IQCE: variants seen among roughly 807,000 people sequenced by gnomAD.
IQCE encodes IQ motif containing E.
IQCE carries 115 observed loss-of-function variants against 96.0 expected under a neutral mutation model. That is an observed-to-expected ratio of 1.20 (90% CI 1.03 to 1.40). The LOEUF is 1.40. Ranked by LOEUF, IQCE falls within the 40% of genes most tolerant of loss-of-function variation. The pLI, the probability that IQCE is intolerant of heterozygous loss-of-function variation, is 0.00. For synonymous variants in IQCE, 412 were observed against 371.2 expected, an observed-to-expected ratio of 1.11 and a Z score of -1.26; for missense variants, 1,041 against 909.1, an observed-to-expected ratio of 1.15 and a Z score of -1.87.
chr7:2,579,778 CTG>C (rs1450462249), intron 8 of IQCE, among the ~76,000 whole-genome samples: 1 of 151,060 alleles, frequency 6.6e-6, no homozygotes, highest in Non-Finnish European at 1.5e-5. Context: ...GGGACTCACT[CTG>C]TTGCCCAGGC....
In IQCE at chr7:2,589,888, A is replaced by G. The variant is rs1309691466; in HGVS notation, c.1045-19A>G. The G allele has an allele frequency of 1.2e-6, 2 of 1,610,966 alleles. No homozygotes were observed. The highest frequency in any genetic ancestry group is 3.3e-5 in the Admixed American group (2 of 60,008). On this transcript the variant is annotated intron_variant, in intron 13 of 21. Transcript: ENST00000402050. Reference sequence around the variant, plus strand: ...AGAAATGAGAACTAGTATCTAACACATGTCTGTGTTGCCTCCAGAAACTAA... The same window carrying G: ...AGAAATGAGAACTAGTATCTAACACGTGTCTGTGTTGCCTCCAGAAACTAA...
At position 2,606,564 on chromosome 7, in the gene IQCE, A is replaced by T. The variant is rs371389255; in HGVS notation, c.1866-560A>T. The stretch of plus-strand genomic sequence containing the variant: ...GTCACCCCCGTCTGCTTCACCCCGC[A>T]TGGGGTTTGTTCCCCTCTTATCACA... On this transcript the variant is annotated intron_variant, in intron 20 of 21. Coordinates refer to ENST00000402050, the MANE Select transcript of IQCE (RefSeq NM_152558.5). 4.1e-4 allele frequency among the ~76,000 whole-genome samples: 63 copies of T among 152,232 alleles called. 1 individual carries two copies. Among genetic ancestry groups the T allele is most frequent in the African/African-American group, 1.3e-3 (56 of 41,550 alleles).
chr7:2,596,395 A>C (rs1784042304), intron 16 of IQCE, among the ~76,000 whole-genome samples: 1 of 142,414 alleles, frequency 7.0e-6, no homozygotes, highest in African/African-American at 2.7e-5. Context: ...GTGGGGTTAT[A>C]AGCATTTTTT....
chr7:2,575,492 G>A (rs139509590), intron 6 of IQCE, among the ~76,000 whole-genome samples: 32 of 152,376 alleles, frequency 2.1e-4, no homozygotes, highest in Non-Finnish European at 4.0e-4. Context: ...GTTGCCGCCA[G>A]GTAATGATGG....
chr7:2,567,240 A>G, intron 2 of IQCE, 77 bp downstream of exon 2: 1 of 1,108,204 alleles, frequency 9.0e-7, no homozygotes, highest in Non-Finnish European at 1.4e-6. Context: ...GGAAGCGTAA[A>G]ATAGGCCGTT....
chr7:2,562,860 T>G (rs1781070256), intron 1 of IQCE, among the ~76,000 whole-genome samples: 4 of 152,038 alleles, frequency 2.6e-5, no homozygotes, highest in Admixed American at 1.3e-4. Flanking sequence ...TCTTTCTTTT[T>G]TTTTTTTAAT....
At chr7:2,605,663 A>G (rs543579616) in intron 19 of IQCE, among the ~76,000 whole-genome samples, 274 of 151,498 alleles carry the variant, frequency 1.8e-3, no homozygotes, top group South Asian at 5.6e-3. Context: ...TAAATAAATA[A>G]ATAGATAAAT....
chr7:2,583,624 C>T lies in IQCE; in HGVS notation c.702-13C>T. On this transcript the variant is annotated splice_polypyrimidine_tract_variant and intron_variant, in intron 9 of 21. Transcript: ENST00000402050. ...CTGGCACATCCCTATTAACGCTGAACTTGGGTTTTCAGCAAACTCCAGACC... is the reference window on the plus strand; with the variant it reads ...CTGGCACATCCCTATTAACGCTGAATTTGGGTTTTCAGCAAACTCCAGACC... 1.3e-6 allele frequency: 2 copies of T among 1,590,694 alleles called. No homozygotes were observed. Among genetic ancestry groups the T allele is most frequent in the Non-Finnish European group, 1.7e-6 (2 of 1,164,790 alleles).
Position 2,611,491 on chromosome 7 carries a change from C to G in IQCE, c.*1329C>G, listed in dbSNP as rs1320528461. Reference sequence around the variant, plus strand: ...CAGGCTTAACCCCTGGGCGCCTTTTCTGCAGCATGGCGGCCTTCTGAGTCA... The same window carrying G: ...CAGGCTTAACCCCTGGGCGCCTTTTGTGCAGCATGGCGGCCTTCTGAGTCA... On this transcript the variant is annotated 3_prime_UTR_variant, in exon 22 of 22. Coordinates refer to ENST00000402050, the MANE Select transcript of IQCE (RefSeq NM_152558.5). 1 of 152,276 alleles carries G rather than the reference C, an allele frequency of 6.6e-6. No homozygotes were observed. The highest frequency in any genetic ancestry group is 1.5e-5 in the Non-Finnish European group (1 of 68,060). 9.4% of individuals were successfully genotyped at this position (152,276 alleles called of 1,614,324 possible).
In IQCE at chr7:2,563,240, C is replaced by T. The variant is rs1200906094; in HGVS notation, c.37-3876C>T. The stretch of plus-strand genomic sequence containing the variant: ...TGCTCAGCTTGCTTTTGTTTCTTTG[C>T]GCCTGGAGTGCAGTGGTGCGATCAT... On this transcript the variant is annotated intron_variant, in intron 1 of 21. Coordinates refer to ENST00000402050, the MANE Select transcript of IQCE (RefSeq NM_152558.5). Among the ~76,000 whole-genome samples the T allele has an allele frequency of 3.9e-5, 6 of 152,138 alleles. No homozygotes were observed. In the East Asian group the frequency reaches 9.7e-4, roughly 25 times the overall value.
chr7:2,593,651 C>A (rs551890858), intron 15 of IQCE, among the ~76,000 whole-genome samples: 51 of 152,340 alleles, frequency 3.3e-4, no homozygotes, highest in African/African-American at 1.2e-3. Context: ...CCGCGTAGCA[C>A]ACGATTCCTT....
chr7:2,608,481 CT>C (rs1487579937), intron 21 of IQCE, among the ~76,000 whole-genome samples: 4 of 152,200 alleles, frequency 2.6e-5, no homozygotes, highest in Non-Finnish European at 5.9e-5. Context: ...AGCTAGAAAA[CT>C]TTGAACTTTG....
At chr7:2,560,931 T>TG (rs1780903430) in intron 1 of IQCE, among the ~76,000 whole-genome samples, 1 of 125,288 alleles carries the variant, frequency 8.0e-6, no homozygotes. Flanking sequence ...CACTCCAGCC[T>TG]GGCAGCAGAG....
intron 18 of IQCE, 69 bp from the exon 19 acceptor site, chr7:2,604,812 C>T: frequency 9.0e-7 from 1 of 1,111,808 alleles, no homozygotes; most frequent in Non-Finnish European, 1.4e-6. Context: ...TCCTCGGCGC[C>T]TCCCTCTCGC....
rs968909458 is a variant in IQCE at position 2,586,389 on chromosome 7, A to G, written c.988+18A>G. 6.3e-7 allele frequency: 1 copy of G among 1,580,820 alleles called. No individual in the cohort carries two copies. The highest frequency in any genetic ancestry group is 8.5e-7 in the Non-Finnish European group (1 of 1,169,810). On this transcript the variant is annotated intron_variant, in intron 12 of 21. Transcript: ENST00000402050. ...GACACAGGGTACCTTCCTGAAAGCC[A>G]CTCCAGGAGGGAGGCCAGGGAATGG...
At chr7:2,598,664 C>T (rs1181724643) in intron 17 of IQCE, 32 bp downstream of exon 17, 1 of 1,461,888 alleles carries the variant, frequency 6.8e-7, no homozygotes, top group East Asian at 2.5e-5. Context: ...CGGGCTGCTC[C>T]CTGTGAGTCT....
At position 2,582,501 on chromosome 7, in the gene IQCE, T is replaced by C. The variant is rs1782753353; in HGVS notation, c.631-79T>C. 4 of 1,165,294 alleles carry C rather than the reference T, an allele frequency of 3.4e-6. No homozygotes were observed. In the South Asian group the frequency reaches 5.1e-5, roughly 15 times the overall value. The allele number at this position is 1,165,294 out of a possible 1,614,324, so 72.2% of individuals were successfully genotyped here. A position where few individuals can be genotyped will look rare whatever the true frequency, so the allele number is the denominator to read the frequency against. ...GAGGAAGGACAGTGAGGTGTGCCGGTGCTCTGGCAGGAGGGGACAGCCGCT... is the reference window on the plus strand; with the variant it reads ...GAGGAAGGACAGTGAGGTGTGCCGGCGCTCTGGCAGGAGGGGACAGCCGCT... On this transcript the variant is annotated intron_variant, in intron 8 of 21. Transcript: ENST00000402050.
rs548363937 is a variant in IQCE, at chr7:2,584,297, G to T, written c.824+12G>T. On this transcript the variant is annotated intron_variant, in intron 11 of 21. Coordinates refer to ENST00000402050, the MANE Select transcript of IQCE (RefSeq NM_152558.5). ...ACCACCGGAAAGAAGTATGATGGCC[G>T]CTTGCAAGCTGTGTTTTGTGTGTTG... is the stretch of plus-strand genomic sequence containing the variant. 3.7e-6 allele frequency: 6 copies of T among 1,613,076 alleles called. No homozygotes were observed. Among genetic ancestry groups the T allele is most frequent in the South Asian group, 1.1e-5 (1 of 91,080 alleles).
chr7:2,568,713 G>T (rs555537417), intron 2 of IQCE, among the ~76,000 whole-genome samples: 4 of 152,298 alleles, frequency 2.6e-5, no homozygotes, highest in African/African-American at 9.6e-5. Context: ...GGGCCCGATG[G>T]TTTTCTGTAA....
Sources: allele counts gnomAD v4.1 joint callset (sites outside exome capture counted in the v4.1 genomes callset), GRCh38; gene constraint gnomAD v4.1.1; transcripts MANE v1.5; gene names NCBI Gene and HGNC (gene_info 2026-07-23, HGNC 2026-07-21).